VIPR1: variants seen among roughly 807,000 people sequenced by gnomAD.
VIPR1 encodes vasoactive intestinal peptide receptor 1, also known as vasoactive intestinal polypeptide receptor 1.
In VIPR1, 59 loss-of-function variants were observed where a neutral mutation model predicts 58.8. The observed-to-expected ratio is 1.00, with a 90% confidence interval of 0.81 to 1.25. VIPR1 has a LOEUF of 1.25. Among genes scored for constraint, VIPR1 ranks in the 50% most tolerant of loss-of-function variants. VIPR1 has a pLI of 0.00. For synonymous variants in VIPR1, 251 were observed against 242.1 expected (o/e 1.04, Z -0.34); for missense variants, 626 against 602.7 (o/e 1.04, Z -0.40).
intron 1 of VIPR1, among the ~76,000 whole-genome samples, chr3:42,512,545 C>T (rs911226202): frequency 5.3e-5 from 8 of 152,150 alleles, no homozygotes; most frequent in South Asian, 4.1e-4. Flanking sequence ...GTTCTTCCCA[C>T]GGACCCACTT....
intron 3 of VIPR1, among the ~76,000 whole-genome samples, chr3:42,520,508 G>T (rs1431320587): frequency 6.6e-6 from 1 of 152,070 alleles, no homozygotes; most frequent in East Asian, 1.9e-4. Flanking sequence ...GAGAGAAGTG[G>T]GAGAGTTGTT....
chr3:42,522,101 ATTTTTTTTTTTTT>A (rs1158302778), intron 3 of VIPR1, among the ~76,000 whole-genome samples: 4 of 35,374 alleles, frequency 1.1e-4, no homozygotes, highest in African/African-American at 3.2e-4. Context: ...ATATATATAT[ATTTTTTTTTTTTT>A]TTTTTTTTTT....
upstream of VIPR1, among the ~76,000 whole-genome samples, chr3:42,501,738 C>G (rs1699875899): frequency 6.6e-6 from 1 of 152,232 alleles, no homozygotes; most frequent in Non-Finnish European, 1.5e-5. This position sits in a 1 kb window ranked among gnomAD's most constrained non-coding sequence, Gnocchi z 4.8. Flanking sequence ...CCCAGTATCC[C>G]CAGCTGTAAA....
rs747988607 is a variant in VIPR1 at position 42,528,007 on chromosome 3, C to T, written c.520C>T (p.Arg174Trp). ...CCCACACAGGAAGCTCCACTGCACG[C>T]GGAACTACATCCACATGCACCTCTT... ...LSLFRKLHCT[R>W]NYIHMHLFIS... Residue 174 changes from arginine (R) to tryptophan (W), a missense_variant, in exon 6 of 13, where the codon CGG (arginine) becomes TGG (tryptophan). Physicochemically the swap from Arg to Trp is moderately radical, Grantham distance 101 (BLOSUM62 -3). Transcript: ENST00000325123. 50 of 1,613,888 alleles carry T rather than the reference C, an allele frequency of 3.1e-5. No homozygotes were observed. Among genetic ancestry groups the T allele is most frequent in the South Asian group, 4.4e-5 (4 of 91,082 alleles).
Position 42,533,814 on chromosome 3 carries a change from G to A in VIPR1, c.1011-1161G>A, listed in dbSNP as rs1049451515. 3 of 152,482 alleles carry A rather than the reference G, an allele frequency of 2.0e-5. No individual in the cohort carries two copies. The East Asian group carries it at 5.8e-4, about 29-fold the overall frequency. 9.4% of individuals were successfully genotyped at this position (152,482 alleles called of 1,614,324 possible). The stretch of plus-strand genomic sequence containing the variant: ...TTGGCATGGCTGAGAACCAGGTCCA[G>A]GAAGGAGTGGGAGGGGCAAGGCCAG... On this transcript the variant is annotated intron_variant, in intron 10 of 12. Coordinates refer to ENST00000325123, the MANE Select transcript of VIPR1 (RefSeq NM_004624.4).
intron 2 of VIPR1, chr3:42,516,559 G>C (rs927665195): frequency 2.0e-5 from 3 of 152,276 alleles, no homozygotes; most frequent in African/African-American, 7.2e-5. Context: ...GCAGAGCTCA[G>C]GGCCAGAGAC....
intron 1 of VIPR1, among the ~76,000 whole-genome samples, chr3:42,497,501 GA>G (rs779718866): frequency 2.6e-4 from 39 of 152,144 alleles, no homozygotes; most frequent in Admixed American, 1.5e-3. Context: ...CATTTGACCA[GA>G]AGCTGTGGCT....
intron 3 of VIPR1, among the ~76,000 whole-genome samples, chr3:42,520,980 TC>T (rs1343946912): frequency 1.3e-5 from 2 of 152,040 alleles, no homozygotes; most frequent in Non-Finnish European, 2.9e-5. Context: ...AGAGATGAGT[TC>T]CTCTGGCAGG....
At chr3:42,527,783 T>G (rs889506291) in intron 5 of VIPR1, 39 of 724,550 alleles carry the variant, frequency 5.4e-5, no homozygotes, top group Non-Finnish European at 8.3e-5. Flanking sequence ...CACACGAGGT[T>G]GAGGCCCTTG....
intron 1 of VIPR1, chr3:42,512,350 A>G (rs992348562): frequency 2.0e-5 from 3 of 152,194 alleles, no homozygotes; most frequent in African/African-American, 7.2e-5. Flanking sequence ...GCAGCTTCTT[A>G]GGCACTGAGT....
intron 9 of VIPR1, 147 bp from the exon 10 acceptor site, chr3:42,532,095 C>A (rs1701594251): frequency 2.1e-6 from 2 of 952,104 alleles, no homozygotes; most frequent in South Asian, 3.0e-5. Context: ...TCCCGGATGA[C>A]CTGCCCAAAG....
chr3:42,524,148 A>AG (rs1218167223), intron 3 of VIPR1, among the ~76,000 whole-genome samples: 1 of 152,122 alleles, frequency 6.6e-6, no homozygotes, highest in East Asian at 1.9e-4. Flanking sequence ...TGAGCCTTGT[A>AG]GGGGGAAGTC....
chr3:42,518,933 C>A (rs936749994), intron 2 of VIPR1, among the ~76,000 whole-genome samples: 1 of 152,180 alleles, frequency 6.6e-6, no homozygotes, highest in African/African-American at 2.4e-5. Context: ...CAGTGAGGCC[C>A]CCCTATTGCT....
intron 2 of VIPR1, among the ~76,000 whole-genome samples, chr3:42,515,303 C>T (rs1700569198): frequency 6.6e-6 from 1 of 152,208 alleles, no homozygotes. Flanking sequence ...TTTGCCTACC[C>T]TTGTCTCAAA....
intron 9 of VIPR1, 26 bp downstream of exon 9, chr3:42,531,895 G>A: frequency 6.2e-7 from 1 of 1,613,980 alleles, no homozygotes; most frequent in South Asian, 1.1e-5. Context: ...ACCACCTAGA[G>A]ATGGGGAAAC....
At chr3:42,494,024 C>G (rs1316086483) in intron 1 of VIPR1, among the ~76,000 whole-genome samples, 1 of 152,238 alleles carries the variant, frequency 6.6e-6, no homozygotes, top group Non-Finnish European at 1.5e-5. Context: ...CACCAGGCAG[C>G]AGCCAGCAGC....
upstream of VIPR1, among the ~76,000 whole-genome samples, chr3:42,498,807 G>C (rs532785381): frequency 1.1e-4 from 16 of 152,292 alleles, no homozygotes; most frequent in Admixed American, 3.9e-4. Context: ...CCCCAGATGA[G>C]TGCGGGTGTT....
chr3:42,493,256 G>A (rs945348479), intron 1 of VIPR1, among the ~76,000 whole-genome samples: 2 of 152,198 alleles, frequency 1.3e-5, no homozygotes, highest in Admixed American at 1.3e-4. Context: ...CTGTCCAGTG[G>A]CAGGGCACCA....
chr3:42,522,080 A>AATATATATATATATAT lies in VIPR1; in HGVS notation c.292+2757_292+2772dup, dbSNP rs59106663. ...TCTTTCATCTGTGTTTCTACCTTCG[A>AATATATATATATATAT]ATATATATATATATATATATATTTT... On this transcript the variant is annotated intron_variant, in intron 3 of 12. Coordinates refer to ENST00000325123, the MANE Select transcript of VIPR1 (RefSeq NM_004624.4). Among the ~76,000 whole-genome samples, 374 of 52,858 alleles carry AATATATATATATATAT rather than the reference A, an allele frequency of 7.1e-3. 6 individuals are homozygous for AATATATATATATATAT. The highest frequency in any genetic ancestry group is 8.6e-3 in the Non-Finnish European group (267 of 31,144). The allele number at this position is 52,858 out of a possible 152,430, so 34.7% of individuals were successfully genotyped here. A position where few individuals can be genotyped will look rare whatever the true frequency, so the allele number is the denominator to read the frequency against.
Sources: gnomAD v4.1 joint callset for allele counts (sites outside exome capture counted in the v4.1 genomes callset) on GRCh38, gnomAD v4.1.1 for gene constraint, Gnocchi (gnomAD v3.1) non-coding constraint, MANE v1.5 for transcripts, NCBI Gene and HGNC (gene_info 2026-07-23, HGNC 2026-07-21) for gene names.